Variants in FOXR1 observed in about 807,000 individuals in gnomAD.
The protein encoded by FOXR1 is forkhead box R1.
In FOXR1, 25 loss-of-function variants were observed where a neutral mutation model predicts 34.5. The ratio of observed to expected loss-of-function variants is 0.72; its 90% CI spans 0.53 to 1.01. FOXR1 has a LOEUF of 1.01. FOXR1 is among the 50% of genes least tolerant of loss of function. The pLI is 0.00. For missense variants in FOXR1, 373 were observed against 376.2 expected, an observed-to-expected ratio of 0.99 and a Z score of 0.07; for synonymous variants, 153 against 141.6, an observed-to-expected ratio of 1.08 and a Z score of -0.57.
chr11:118,980,472 TCTC>T lies in FOXR1; in HGVS notation c.612-13_612-11del. 1 of 1,613,006 alleles carries T rather than the reference TCTC, an allele frequency of 6.2e-7. No homozygotes were observed. The highest frequency in any genetic ancestry group is 8.5e-7 in the Non-Finnish European group (1 of 1,179,174). On this transcript the variant is annotated splice_polypyrimidine_tract_variant and intron_variant, in intron 4 of 5. Transcript: ENST00000317011. ...CAGACATAACATGCCTTTCCTTACCTCTCCTCCCTGTCCATAGAAAGCACTTCC... is the reference window on the plus strand; with the variant it reads ...CAGACATAACATGCCTTTCCTTACCTCTCCCTGTCCATAGAAAGCACTTCC...
intron 1 of FOXR1, among the ~76,000 whole-genome samples, chr11:118,974,041 G>C (rs998459294): frequency 6.6e-5 from 10 of 152,236 alleles, no homozygotes; most frequent in African/African-American, 1.9e-4. Context: ...AACTCAATTA[G>C]GAACATAATA....
Position 118,971,849 on chromosome 11 carries a change from C to A in FOXR1, c.-83C>A. 6.8e-7 allele frequency: 1 copy of A among 1,469,470 alleles called. No homozygotes were observed. The highest frequency in any genetic ancestry group is 9.3e-7 in the Non-Finnish European group (1 of 1,075,880). 91.0% of individuals were successfully genotyped at this position (1,469,470 alleles called of 1,614,324 possible). A position where few individuals can be genotyped will look rare whatever the true frequency, so the allele number is the denominator to read the frequency against. ...CTCCGCGCCGCCGCGCCTCTGCCAG[C>A]CCCGAAGGTGGACGTGAAGCTCCAA... On this transcript the variant is annotated 5_prime_UTR_variant, in exon 1 of 6. Coordinates refer to ENST00000317011, the MANE Select transcript of FOXR1 (RefSeq NM_181721.3).
intron 1 of FOXR1, among the ~76,000 whole-genome samples, chr11:118,972,540 A>G (rs1321454990): frequency 6.6e-6 from 1 of 151,838 alleles, no homozygotes; most frequent in Admixed American, 6.6e-5. Flanking sequence ...TTTGGACGTC[A>G]AGTGTGGAGA....
intron 4 of FOXR1, 99 bp downstream of exon 4, chr11:118,979,767 TC>T: frequency 8.9e-7 from 1 of 1,123,644 alleles, no homozygotes; most frequent in Non-Finnish European, 1.3e-6. Flanking sequence ...TGACCTGGTT[TC>T]CCTATCTGGG....
chr11:118,978,354 C>CA lies in FOXR1; in HGVS notation c.62-420dup, dbSNP rs1336309972. Among the ~76,000 whole-genome samples, 3 of 151,564 alleles carry CA rather than the reference C, an allele frequency of 2.0e-5. No homozygotes were observed. The East Asian group carries it at 5.8e-4, about 29-fold the overall frequency. On this transcript the variant is annotated intron_variant, in intron 1 of 5. Transcript: ENST00000317011. ...TGTGCAACAGAGCAAGACCCTGTCT[C>CA]AAAAAAAATACAAGAATACAGGAGG...
intron 4 of FOXR1, 177 bp from the exon 5 acceptor site, chr11:118,980,313 G>T: frequency 1.3e-6 from 1 of 742,764 alleles, no homozygotes; most frequent in Non-Finnish European, 2.4e-6. Context: ...GGTGAGCCAC[G>T]CACCACGTGG....
chr11:118,980,796 T>G (rs1941851751), intron 5 of FOXR1, 68 bp downstream of exon 5: 2 of 1,462,440 alleles, frequency 1.4e-6, no homozygotes, highest in African/African-American at 2.8e-5. Flanking sequence ...AGGCCAAGTG[T>G]GGAAGCCTGG....
rs369297325 is a variant in FOXR1 at position 118,979,515 on chromosome 11, C to A, written c.458C>A (p.Ala153Asp). 11 of 1,613,164 alleles carry A rather than the reference C, an allele frequency of 6.8e-6. No individual in the cohort carries two copies. The highest frequency in any genetic ancestry group is 5.5e-5 in the South Asian group (5 of 90,902). Residue 153 changes from alanine (A) to aspartate (D), a missense_variant, in exon 4 of 6, where the codon GCC becomes GAC. Coordinates refer to ENST00000317011, the MANE Select transcript of FOXR1 (RefSeq NM_181721.3). ...SMALPSPHKR[A>D]PLQSRRLRQA... ...GCTCTCCCATCCCCTCACAAAAGGG[C>A]CCCCCTCCAGAGTCGGAGGCTTCGG...
rs1941813880 is a variant in FOXR1 at position 118,979,030 on chromosome 11, C to A, written c.210C>A (p.Val70=). ...TGTATCCCCCTGGAAAGCTGGAGGT[C>A]TCAGGACGTAGGAAGAGGGAGGACC... The part of the protein sequence containing the change: ...NIVYPPGKLE[V]SGRRKREDLT... Residue 70 remains valine, a synonymous_variant, in exon 3 of 6, where the codon GTC becomes GTA. Transcript: ENST00000317011. 1 of 1,602,468 alleles carries A rather than the reference C, an allele frequency of 6.2e-7. No homozygotes were observed. The highest frequency in any genetic ancestry group is 1.7e-5 in the Admixed American group (1 of 58,060).
rs782821168 is a variant in FOXR1 at position 118,979,038 on chromosome 11, G to A, written c.218G>A (p.Arg73His). 24 of 1,602,802 alleles carry A rather than the reference G, an allele frequency of 1.5e-5. No homozygotes were observed. Among genetic ancestry groups the A allele is most frequent in the Non-Finnish European group, 1.9e-5 (22 of 1,174,828 alleles). The part of the protein sequence containing the change: ...YPPGKLEVSG[R>H]RKREDLTSTL... ...CCTGGAAAGCTGGAGGTCTCAGGAC[G>A]TAGGAAGAGGGAGGACCTGACAAGC... Residue 73 changes from arginine (R) to histidine (H), a missense_variant, in exon 3 of 6, where the codon CGT becomes CAT. By Grantham distance (29) the Arg-to-His change is conservative. Coordinates refer to ENST00000317011, the MANE Select transcript of FOXR1 (RefSeq NM_181721.3).
At chr11:118,974,359 C>T (rs1307566802) in intron 1 of FOXR1, among the ~76,000 whole-genome samples, 3 of 152,192 alleles carry the variant, frequency 2.0e-5, no homozygotes, top group African/African-American at 4.8e-5. Flanking sequence ...CACAGGCCAC[C>T]ACACTGGCTA....
At chr11:118,972,265 C>T (rs1482725973) in intron 1 of FOXR1, among the ~76,000 whole-genome samples, 3 of 152,100 alleles carry the variant, frequency 2.0e-5, no homozygotes, top group Admixed American at 2.0e-4. Context: ...CTGGTCTCAC[C>T]TAAAAACGGA....
At chr11:118,978,711 G>A (rs1941807823) in intron 1 of FOXR1, 71 bp from the exon 2 acceptor site, 1 of 1,532,422 alleles carries the variant, frequency 6.5e-7, no homozygotes, top group African/African-American at 1.4e-5. Flanking sequence ...GAAGCCTTAA[G>A]GCCTAGGATC....
At chr11:118,973,748 C>T (rs949066087) in intron 1 of FOXR1, among the ~76,000 whole-genome samples, 2 of 140,638 alleles carry the variant, frequency 1.4e-5, no homozygotes, top group African/African-American at 5.3e-5. Flanking sequence ...GGCTGGAGTA[C>T]AGTAGCGCAA....
intron 1 of FOXR1, among the ~76,000 whole-genome samples, chr11:118,973,383 G>A (rs962342174): frequency 6.6e-6 from 1 of 152,032 alleles, no homozygotes; most frequent in Middle Eastern, 3.2e-3. Context: ...TCAGGAATAG[G>A]GGAAGGGTGT....
intron 1 of FOXR1, among the ~76,000 whole-genome samples, chr11:118,977,229 A>C (rs1247644194): frequency 6.6e-6 from 1 of 151,878 alleles, no homozygotes; most frequent in Non-Finnish European, 1.5e-5. Flanking sequence ...ATGGGGTTTC[A>C]CCTTGTTGGC....
Position 118,980,540 on chromosome 11 carries a change from T to TA in FOXR1, c.662_663insA (p.Arg222ProfsTer11), listed in dbSNP as rs1201249138. On this transcript the variant is annotated frameshift_variant, in exon 5 of 6. Coordinates refer to ENST00000317011, the MANE Select transcript of FOXR1 (RefSeq NM_181721.3). LOFTEE classifies it high-confidence loss of function. The stretch of plus-strand genomic sequence containing the variant: ...GCCCCGGAAGGCTGGAAGAATACTG[T>TA]CCGTCACAATCTCTGTTTTCGAGAC... 2 of 1,614,118 alleles carry TA rather than the reference T, an allele frequency of 1.2e-6. No homozygotes were observed. The highest frequency in any genetic ancestry group is 1.7e-6 in the Non-Finnish European group (2 of 1,180,056).
At chr11:118,977,006 T>A (rs750262551) in intron 1 of FOXR1, among the ~76,000 whole-genome samples, 1 of 152,116 alleles carries the variant, frequency 6.6e-6, no homozygotes, top group Non-Finnish European at 1.5e-5. Flanking sequence ...TGTCTATTTG[T>A]TTTTTGCTTA....
chr11:118,971,937 G>A lies in FOXR1; in HGVS notation c.6G>A (p.Gly2=), dbSNP rs1481657454. 2.6e-6 allele frequency: 4 copies of A among 1,555,456 alleles called. No individual in the cohort carries two copies. Among genetic ancestry groups the A allele is most frequent in the Non-Finnish European group, 3.5e-6 (4 of 1,148,886 alleles). Residue 2 remains glycine (G), a synonymous_variant, in exon 1 of 6, where the codon GGG becomes GGA. Coordinates refer to ENST00000317011, the MANE Select transcript of FOXR1 (RefSeq NM_181721.3). M[G]NELFLAFTTS... Reference sequence around the variant, plus strand: ...CGGGACTGCTGGACTGGGACATGGGGAACGAGCTCTTTCTGGCCTTCACCA... The same window carrying A: ...CGGGACTGCTGGACTGGGACATGGGAAACGAGCTCTTTCTGGCCTTCACCA...
Sources: gnomAD v4.1 joint callset for allele counts (sites outside exome capture counted in the v4.1 genomes callset) on GRCh38, gnomAD v4.1.1 for gene constraint, MANE v1.5 for transcripts, NCBI Gene and HGNC (gene_info 2026-07-23, HGNC 2026-07-21) for gene names.